The following PKHD1L1 variants were observed in gnomAD, a reference collection of about 807,000 sequenced individuals.
The protein encoded by PKHD1L1 is fibrocystin-L.
PKHD1L1 carries 434 observed loss-of-function variants against 462.9 expected under a neutral mutation model. That is an observed-to-expected ratio of 0.94 (90% CI 0.87 to 1.02). The LOEUF (loss-of-function observed/expected upper bound fraction) is 1.02, where lower values mean the gene tolerates loss of function less well. Among genes scored for constraint, PKHD1L1 ranks in the 50% least tolerant of loss-of-function variants. The probability of loss-of-function intolerance (pLI) is 0.00; values close to 1 mark genes in which losing one functional copy is unlikely to be tolerated. For synonymous variants in PKHD1L1, 1,781 were observed against 1,750.0 expected (o/e 1.02, Z -0.44); for missense variants, 5,202 against 5,096.1 (o/e 1.02, Z -0.63).
At chr8:109,517,462 G>C (rs1389504689) in intron 72 of PKHD1L1, among the ~76,000 whole-genome samples, 1 of 152,028 alleles carries the variant, frequency 6.6e-6, no homozygotes, top group Non-Finnish European at 1.5e-5. Flanking sequence ...GTTTGTCTGG[G>C]CTCAATAAGT....
chr8:109,438,498 T>TA, intron 31 of PKHD1L1, 42 bp downstream of exon 31: 10 of 1,480,764 alleles, frequency 6.8e-6, no homozygotes, highest in Non-Finnish European at 9.0e-6. Context: ...GTCCTATGTA[T>TA]AAAAAACATT....
intron 70 of PKHD1L1, among the ~76,000 whole-genome samples, chr8:109,508,896 T>G (rs1819835794): frequency 6.6e-6 from 1 of 152,108 alleles, no homozygotes. Flanking sequence ...AGACCAAGGC[T>G]TTTTGAATAA....
At chr8:109,523,193 G>C (rs751573102) in intron 75 of PKHD1L1, 40 bp from the exon 76 acceptor site, 22 of 1,515,652 alleles carry the variant, frequency 1.5e-5, no homozygotes, top group Non-Finnish European at 1.8e-5. Flanking sequence ...CATGGAAACA[G>C]GACAATTGTT....
chr8:109,385,641 G>C lies in PKHD1L1; in HGVS notation c.569+11G>C. 2 of 1,502,022 alleles carry C rather than the reference G, an allele frequency of 1.3e-6. No individual in the cohort carries two copies. Among genetic ancestry groups the C allele is most frequent in the East Asian group, 4.6e-5 (2 of 43,694 alleles). 93.0% of individuals were successfully genotyped at this position (1,502,022 alleles called of 1,614,324 possible). On this transcript the variant is annotated intron_variant, in intron 6 of 77. Coordinates refer to ENST00000378402, the MANE Select transcript of PKHD1L1 (RefSeq NM_177531.6). ...TGTTAGGATTTTGAGGTAATCTTTTGATGTGGAAATATATTCTTATAACTC... is the reference window on the plus strand; with the variant it reads ...TGTTAGGATTTTGAGGTAATCTTTTCATGTGGAAATATATTCTTATAACTC...
intron 9 of PKHD1L1, among the ~76,000 whole-genome samples, 174 bp from the exon 10 acceptor site, chr8:109,394,241 T>C (rs1479207798): frequency 6.9e-6 from 1 of 144,646 alleles, no homozygotes; most frequent in African/African-American, 2.6e-5. Context: ...TAGTAACAAA[T>C]GTATACACAT....
rs1183820277 is a variant in PKHD1L1, at chr8:109,530,853, C to G, written c.*763C>G. ...GTTGAGGGTTGAGGGGTTCCCTTAA[C>G]TGGTGGATGCTTATTCACTGTTTAC... is the stretch of plus-strand genomic sequence containing the variant. On this transcript the variant is annotated 3_prime_UTR_variant, in exon 78 of 78. Transcript: ENST00000378402. Among the ~76,000 whole-genome samples, 1 of 152,144 alleles carries G rather than the reference C, an allele frequency of 6.6e-6. No individual in the cohort carries two copies. Among genetic ancestry groups the G allele is most frequent in the Non-Finnish European group, 1.5e-5 (1 of 68,028 alleles).
Position 109,523,400 on chromosome 8 carries a change from T to G in PKHD1L1, c.12484+14T>G. ...CCCTTAGAACAGGTGGGTGCACTAT[T>G]TTGGATCCTCACATATATAGCCATA... On this transcript the variant is annotated intron_variant, in intron 76 of 77. Coordinates refer to ENST00000378402, the MANE Select transcript of PKHD1L1 (RefSeq NM_177531.6). 1 of 1,602,592 alleles carries G rather than the reference T, an allele frequency of 6.2e-7. No individual in the cohort carries two copies. Among genetic ancestry groups the G allele is most frequent in the Non-Finnish European group, 8.5e-7 (1 of 1,171,916 alleles).
At chr8:109,513,975 C>A (rs1820136033) in intron 71 of PKHD1L1, among the ~76,000 whole-genome samples, 1 of 152,068 alleles carries the variant, frequency 6.6e-6, no homozygotes. Flanking sequence ...ACGTCTCTCC[C>A]ATGCCCCAAA....
At chr8:109,391,949 T>C (rs531631966) in intron 9 of PKHD1L1, among the ~76,000 whole-genome samples, 7 of 152,306 alleles carry the variant, frequency 4.6e-5, no homozygotes, top group Admixed American at 3.9e-4. Flanking sequence ...CAATATAGGC[T>C]AGACCAAAAC....
At chr8:109,373,355 C>T (rs1811622159) in intron 2 of PKHD1L1, among the ~76,000 whole-genome samples, 1 of 152,134 alleles carries the variant, frequency 6.6e-6, no homozygotes. Flanking sequence ...GTGATATCTC[C>T]TTTGTAATTT....
rs1586347871 is a variant in PKHD1L1 at position 109,362,567 on chromosome 8, G to A, written c.-14G>A. 1 of 1,602,382 alleles carries A rather than the reference G, an allele frequency of 6.2e-7. No homozygotes were observed. The highest frequency in any genetic ancestry group is 1.1e-5 in the South Asian group (1 of 88,516). On this transcript the variant is annotated 5_prime_UTR_variant, in exon 1 of 78. Coordinates refer to ENST00000378402, the MANE Select transcript of PKHD1L1 (RefSeq NM_177531.6). The stretch of plus-strand genomic sequence containing the variant: ...GCGAGCGGAGGGCACCAACTCCGCA[G>A]AACTGGCTTTTCAATGGGACACCTG...
At chr8:109,443,622 G>C in intron 36 of PKHD1L1, 54 bp from the exon 37 acceptor site, 6 of 1,343,440 alleles carry the variant, frequency 4.5e-6, no homozygotes, top group Non-Finnish European at 6.1e-6. Flanking sequence ...TTTGAAAACA[G>C]TTATCATTTT....
At chr8:109,528,097 C>G (rs1213789721) in intron 77 of PKHD1L1, among the ~76,000 whole-genome samples, 1 of 152,068 alleles carries the variant, frequency 6.6e-6, no homozygotes, top group Non-Finnish European at 1.5e-5. Flanking sequence ...GGAGACGTCC[C>G]TATATGATTA....
chr8:109,446,334 G>T (rs981403260), intron 38 of PKHD1L1, among the ~76,000 whole-genome samples: 4 of 152,140 alleles, frequency 2.6e-5, no homozygotes, highest in Admixed American at 1.3e-4. Context: ...CTCTCAAATG[G>T]TTCAAATTTT....
intron 10 of PKHD1L1, 66 bp downstream of exon 10, chr8:109,394,551 A>C (rs1293785866): frequency 4.6e-6 from 5 of 1,091,712 alleles, no homozygotes; most frequent in Non-Finnish European, 5.1e-6. Context: ...TGATTTAATC[A>C]AACCAAAGAC....
At chr8:109,453,969 C>G (rs1162157594) in intron 43 of PKHD1L1, among the ~76,000 whole-genome samples, 198 bp from the exon 44 acceptor site, 2 of 152,056 alleles carry the variant, frequency 1.3e-5, no homozygotes, top group African/African-American at 2.4e-5. Context: ...ATGGTCTTGT[C>G]TGGAGTTTTT....
chr8:109,466,263 T>C, intron 49 of PKHD1L1, among the ~76,000 whole-genome samples: 1 of 152,198 alleles, frequency 6.6e-6, no homozygotes, highest in East Asian at 1.9e-4. Flanking sequence ...GGCTTTATGG[T>C]CATAACACCT....
In PKHD1L1 at chr8:109,502,442, C is replaced by T. The variant is rs147699949; in HGVS notation, c.10829-1885C>T. ...TAAGAAGGAATATACCAGTTATACA[C>T]ATCCAGAGCATTCAGCACATTCTGA... On this transcript the variant is annotated intron_variant, in intron 67 of 77. Coordinates refer to ENST00000378402, the MANE Select transcript of PKHD1L1 (RefSeq NM_177531.6). Among the ~76,000 whole-genome samples, 182 of 152,300 alleles carry T rather than the reference C, an allele frequency of 1.2e-3. No individual in the cohort carries two copies. In the South Asian group the frequency reaches 0.02, roughly 17 times the overall value.
intron 52 of PKHD1L1, 23 bp downstream of exon 52, chr8:109,476,690 G>A: frequency 1.9e-6 from 3 of 1,565,726 alleles, no homozygotes; most frequent in Non-Finnish European, 2.6e-6. Flanking sequence ...AGGCAGAAAT[G>A]ATAGTTTATC....
Sources: gnomAD v4.1 joint callset for allele counts (sites outside exome capture counted in the v4.1 genomes callset) on GRCh38, gnomAD v4.1.1 for gene constraint, MANE v1.5 for transcripts, NCBI Gene and HGNC (gene_info 2026-07-23, HGNC 2026-07-21) for gene names.